The following PTPN13 variants were observed in gnomAD, a reference collection of about 807,000 sequenced individuals.
The protein encoded by PTPN13 is protein tyrosine phosphatase non-receptor type 13, also known as tyrosine-protein phosphatase non-receptor type 13.
In PTPN13, 191 loss-of-function variants were observed where a neutral mutation model predicts 284.0. The observed-to-expected ratio is 0.67, with a 90% confidence interval of 0.60 to 0.76. The LOEUF (loss-of-function observed/expected upper bound fraction) is 0.76, where lower values mean the gene tolerates loss of function less well. PTPN13 is among the 30% of genes least tolerant of loss of function. The pLI is 0.00. For missense variants in PTPN13, 2,797 were observed against 2,939.9 expected (o/e 0.95, Z 1.12); for synonymous variants, 986 against 1,022.3 (o/e 0.96, Z 0.68).
chr4:86,650,324 C>T (rs919444815), intron 2 of PTPN13, among the ~76,000 whole-genome samples: 1 of 150,832 alleles, frequency 6.6e-6, no homozygotes, highest in Admixed American at 6.6e-5. Flanking sequence ...TTCGTTTTTT[C>T]GTTTCAAGAT....
rs916771573 is a variant in PTPN13, at chr4:86,594,342, G to C, written c.-453G>C. On this transcript the variant is annotated 5_prime_UTR_variant, in exon 1 of 48. Coordinates refer to ENST00000411767, the MANE Select transcript of PTPN13 (RefSeq NM_080683.3). ...GTAGCTCCAGCGGCCACGCTGAGGC[G>C]AGGGTGACACACCATGCTCACGGCC... 6.6e-6 allele frequency: 1 copy of C among 152,382 alleles called. No homozygotes were observed. The highest frequency in any genetic ancestry group is 1.5e-5 in the Non-Finnish European group (1 of 68,126). 9.4% of individuals were successfully genotyped at this position (152,382 alleles called of 1,614,324 possible). A position where few individuals can be genotyped will look rare whatever the true frequency, so the allele number is the denominator to read the frequency against.
intron 1 of PTPN13, among the ~76,000 whole-genome samples, chr4:86,610,536 G>A (rs1010093889): frequency 2.0e-5 from 3 of 152,242 alleles, no homozygotes; most frequent in Non-Finnish European, 2.9e-5. Context: ...AATAATGAGT[G>A]ATGAAAACTG....
chr4:86,754,473 A>G (rs892591318), intron 20 of PTPN13, among the ~76,000 whole-genome samples: 1 of 152,016 alleles, frequency 6.6e-6, no homozygotes, highest in Admixed American at 6.6e-5. Context: ...CAACAACCCT[A>G]TGAGGTAGGT....
At chr4:86,753,162 C>G in intron 20 of PTPN13, 97 bp downstream of exon 20, 1 of 848,702 alleles carries the variant, frequency 1.2e-6, no homozygotes, top group East Asian at 2.7e-5. Context: ...GAGTTCCATG[C>G]CTAGGATTTG....
At chr4:86,658,615 C>T (rs1726121919) in intron 2 of PTPN13, among the ~76,000 whole-genome samples, 1 of 152,026 alleles carries the variant, frequency 6.6e-6, no homozygotes, top group African/African-American at 2.4e-5. Context: ...AGAGATCACC[C>T]TAATACTAAA....
rs181290235 is a variant in PTPN13 at position 86,768,850 on chromosome 4, T to C, written c.4489+874T>C. Among the ~76,000 whole-genome samples the C allele has an allele frequency of 2.6e-5, 4 of 151,852 alleles. No individual in the cohort carries two copies. In the East Asian group the frequency reaches 5.8e-4, roughly 22 times the overall value. ...TCAGCTTCCTGAGTAGCTGAGATTA[T>C]AGGCACACACTGCCACATGCGGCTA... On this transcript the variant is annotated intron_variant, in intron 28 of 47. Coordinates refer to ENST00000411767, the MANE Select transcript of PTPN13 (RefSeq NM_080683.3).
chr4:86,791,060 C>A (rs964680570), intron 40 of PTPN13, among the ~76,000 whole-genome samples: 40 of 152,232 alleles, frequency 2.6e-4, no homozygotes, highest in African/African-American at 9.4e-4. Flanking sequence ...ACGGGAAGCA[C>A]AAGGTGTCAG....
intron 3 of PTPN13, among the ~76,000 whole-genome samples, chr4:86,677,442 G>T (rs1728414546): frequency 6.6e-6 from 1 of 150,628 alleles, no homozygotes; most frequent in Non-Finnish European, 1.5e-5. Flanking sequence ...AGCCTCCCAA[G>T]TAGCTAGGAC....
At chr4:86,700,792 A>G (rs1265049311) in intron 6 of PTPN13, among the ~76,000 whole-genome samples, 1 of 152,190 alleles carries the variant, frequency 6.6e-6, no homozygotes, top group Non-Finnish European at 1.5e-5. Flanking sequence ...CCTTAAATGT[A>G]TGTATTTAAA....
intron 23 of PTPN13, among the ~76,000 whole-genome samples, chr4:86,760,066 T>C (rs1738496083): frequency 6.6e-6 from 1 of 152,206 alleles, no homozygotes; most frequent in African/African-American, 2.4e-5. Flanking sequence ...TAAAATCTTA[T>C]TAAATTTTAT....
chr4:86,667,657 T>C (rs1727234521), intron 2 of PTPN13, among the ~76,000 whole-genome samples: 1 of 152,228 alleles, frequency 6.6e-6, no homozygotes, highest in South Asian at 2.1e-4. Context: ...GGGAATTCCA[T>C]ATTATAGAGG....
intron 35 of PTPN13, among the ~76,000 whole-genome samples, chr4:86,778,735 T>G (rs1385669135): frequency 6.6e-6 from 1 of 151,894 alleles, no homozygotes; most frequent in Non-Finnish European, 1.5e-5. Context: ...TAAAAAAAAG[T>G]GGAGGAAAGT....
chr4:86,807,823 C>T lies in PTPN13; in HGVS notation c.7009C>T (p.Leu2337Phe). Residue 2337 changes from leucine to phenylalanine, a missense_variant, in exon 45 of 48, where the codon CTT becomes TTT. Coordinates refer to ENST00000411767, the MANE Select transcript of PTPN13 (RefSeq NM_080683.3). ...CAAAACAACAATGGTCAGCAACAGA[C>T]TTCGACTGGCTCTTGTGAGAATGCA... The part of the protein sequence containing the change: ...LGKTTMVSNR[L>F]RLALVRMQQL... 6.2e-7 allele frequency: 1 copy of T among 1,614,058 alleles called. No individual in the cohort carries two copies. The highest frequency in any genetic ancestry group is 8.5e-7 in the Non-Finnish European group (1 of 1,179,902).
chr4:86,725,590 G>A lies in PTPN13; in HGVS notation c.1608+3156G>A, dbSNP rs182166955. Among the ~76,000 whole-genome samples the A allele has an allele frequency of 3.1e-3, 462 of 149,654 alleles. 18 individuals carry two copies. Among genetic ancestry groups the A allele is most frequent in the African/African-American group, 0.011 (432 of 41,126 alleles). ...CCAGTGATGATGAGCATTTTTTCAT[G>A]TGTCTGTTGGCTGCATAAATGTCTT... On this transcript the variant is annotated intron_variant, in intron 10 of 47. Transcript: ENST00000411767.
Position 86,732,695 on chromosome 4 carries a change from A to G in PTPN13, c.1787A>G (p.Asp596Gly). ...TGTGATACCAAAACTATATGTAAAGATGTGTTTGATATGGTTGTGGCACAT... is the reference window on the plus strand; with the variant it reads ...TGTGATACCAAAACTATATGTAAAGGTGTGTTTGATATGGTTGTGGCACAT... ...LTCDTKTICK[D>G]VFDMVVAHIG... is the part of the protein sequence containing the mutation. Residue 596 changes from aspartate (D) to glycine (G), a missense_variant, in exon 12 of 48, where the codon GAT (aspartate) becomes GGT (glycine). Physicochemically the swap from Asp to Gly is moderately conservative, Grantham distance 94. Transcript: ENST00000411767. The G allele has an allele frequency of 6.2e-7, 1 of 1,613,652 alleles. No individual in the cohort carries two copies. Among genetic ancestry groups the G allele is most frequent in the Non-Finnish European group, 8.5e-7 (1 of 1,179,694 alleles).
At chr4:86,721,947 ATGT>A (rs1733716710) in intron 9 of PTPN13, among the ~76,000 whole-genome samples, 2 of 151,372 alleles carry the variant, frequency 1.3e-5, no homozygotes, top group African/African-American at 4.9e-5. Context: ...GGGTTTCACC[ATGT>A]TGCCCAGGCT....
chr4:86,766,380 T>A lies in PTPN13; in HGVS notation c.4244-52T>A. On this transcript the variant is annotated intron_variant, in intron 26 of 47. Transcript: ENST00000411767. ...TGAATACGAAATAAGACCATAAGAT[T>A]TAAAAGAACATGTAGGATTTTTATT... The A allele has an allele frequency of 2.1e-6, 3 of 1,399,152 alleles. No homozygotes were observed. The South Asian group carries it at 3.9e-5, about 18-fold the overall frequency. 86.7% of individuals were successfully genotyped at this position (1,399,152 alleles called of 1,614,324 possible).
At chr4:86,640,458 G>A (rs997464148) in intron 2 of PTPN13, among the ~76,000 whole-genome samples, 2 of 152,160 alleles carry the variant, frequency 1.3e-5, no homozygotes, top group Non-Finnish European at 2.9e-5. Context: ...CCTTCTACTT[G>A]TGAGGTATTG....
At chr4:86,805,240 G>A in intron 43 of PTPN13, 39 bp from the exon 44 acceptor site, 1 of 1,364,946 alleles carries the variant, frequency 7.3e-7, no homozygotes, top group Non-Finnish European at 1.0e-6. Context: ...CTGAATTACT[G>A]CTTATCTCAA....
Sources: gnomAD v4.1 joint callset for allele counts (sites outside exome capture counted in the v4.1 genomes callset) on GRCh38, gnomAD v4.1.1 for gene constraint, MANE v1.5 for transcripts, NCBI Gene and HGNC (gene_info 2026-07-23, HGNC 2026-07-21) for gene names.